The following DOK5 variants were observed in gnomAD, a reference collection of about 807,000 sequenced individuals.
The protein encoded by DOK5 is docking protein 5, also known as downstream of tyrosine kinase 5.
Under a neutral mutation model 43.3 loss-of-function variants are expected in DOK5, and 27 were observed. That is an observed-to-expected ratio of 0.62 (90% CI 0.46 to 0.86). The LOEUF (loss-of-function observed/expected upper bound fraction) is 0.86, where lower values mean the gene tolerates loss of function less well. DOK5 is among the 40% of genes least tolerant of loss of function. DOK5 has a pLI of 0.00. For synonymous variants in DOK5, 146 were observed against 140.1 expected (o/e 1.04, Z -0.30); for missense variants, 373 against 392.9 (o/e 0.95, Z 0.43).
chr20:54,501,991 G>C (rs1370512880), intron 1 of DOK5, among the ~76,000 whole-genome samples: 1 of 152,182 alleles, frequency 6.6e-6, no homozygotes, highest in Non-Finnish European at 1.5e-5. Context: ...TGTGGCTTAT[G>C]CTCTTTATCA....
At chr20:54,566,113 C>A (rs772419335) in intron 2 of DOK5, among the ~76,000 whole-genome samples, 1 of 151,504 alleles carries the variant, frequency 6.6e-6, no homozygotes, top group South Asian at 2.1e-4. Flanking sequence ...ACCCCACCAC[C>A]CCAGCAGGCA....
chr20:54,534,701 TAC>T (rs1192445499), intron 1 of DOK5, among the ~76,000 whole-genome samples: 8 of 152,060 alleles, frequency 5.3e-5, no homozygotes. Flanking sequence ...GATGATATAT[TAC>T]AAATAGTGTG....
In DOK5 at chr20:54,568,589, C is replaced by G. The variant is rs139801997; in HGVS notation, c.174+13549C>G. On this transcript the variant is annotated intron_variant, in intron 2 of 7. Coordinates refer to ENST00000262593, the MANE Select transcript of DOK5 (RefSeq NM_018431.5). Reference sequence around the variant, plus strand: ...TGCAGATTTATTTTTTCTCTTTACACTTCTTATTTTTTAAGTTATTAAAAA... The same window carrying G: ...TGCAGATTTATTTTTTCTCTTTACAGTTCTTATTTTTTAAGTTATTAAAAA... Among the ~76,000 whole-genome samples the G allele has an allele frequency of 4.0e-3, 612 of 152,242 alleles. 3 individuals are homozygous for G. Among genetic ancestry groups the G allele is most frequent in the Non-Finnish European group, 6.2e-3 (422 of 68,028 alleles).
chr20:54,492,949 A>G (rs975512455), intron 1 of DOK5, among the ~76,000 whole-genome samples: 8 of 151,014 alleles, frequency 5.3e-5, no homozygotes, highest in Admixed American at 4.0e-4. Context: ...CAGTTACTCG[A>G]AAGGCTGAGG....
intron 2 of DOK5, among the ~76,000 whole-genome samples, chr20:54,560,607 A>C (rs991917821): frequency 1.1e-4 from 17 of 152,250 alleles, no homozygotes; most frequent in African/African-American, 4.1e-4. Context: ...ACTCTTTCCT[A>C]CCCAAGCTTG....
chr20:54,586,884 T>C (rs931365772), intron 2 of DOK5, among the ~76,000 whole-genome samples: 2 of 151,278 alleles, frequency 1.3e-5, no homozygotes, highest in African/African-American at 4.9e-5. Flanking sequence ...AGTGGTGAGA[T>C]AGCGTGGGCA....
intron 5 of DOK5, among the ~76,000 whole-genome samples, chr20:54,594,204 A>G (rs1031041974): frequency 4.6e-5 from 7 of 152,132 alleles, no homozygotes; most frequent in Non-Finnish European, 7.4e-5. Context: ...CATTGGGTAT[A>G]TTGTACAAAA....
chr20:54,532,832 G>A (rs1471096280), intron 1 of DOK5, among the ~76,000 whole-genome samples: 1 of 152,158 alleles, frequency 6.6e-6, no homozygotes, highest in African/African-American at 2.4e-5. Flanking sequence ...TGACCTCCTG[G>A]CCCAGAGCTA....
intron 2 of DOK5, among the ~76,000 whole-genome samples, chr20:54,570,259 G>T (rs539848553): frequency 8.5e-5 from 13 of 152,156 alleles, no homozygotes; most frequent in African/African-American, 3.1e-4. Flanking sequence ...AATTTAATTG[G>T]GTTATTTACT....
chr20:54,476,972 C>T (rs1034928403), intron 1 of DOK5, among the ~76,000 whole-genome samples: 5 of 149,194 alleles, frequency 3.4e-5, no homozygotes, highest in Non-Finnish European at 7.4e-5. Flanking sequence ...TTCTCTTTGC[C>T]TCCTATCAAG....
At chr20:54,575,173 C>T (rs7274170) in intron 2 of DOK5, among the ~76,000 whole-genome samples, 29,885 of 152,060 alleles carry the variant, frequency 0.2, 6,743 homozygotes, top group African/African-American at 0.56. Context: ...AAAACTAACA[C>T]GATCTTTTCA....
chr20:54,590,367 A>C (rs1985941183), intron 4 of DOK5, among the ~76,000 whole-genome samples: 1 of 152,116 alleles, frequency 6.6e-6, no homozygotes, highest in Non-Finnish European at 1.5e-5. Context: ...TACTCTTTTT[A>C]AATTTTTATT....
At chr20:54,539,911 G>A (rs1000524464) in intron 1 of DOK5, among the ~76,000 whole-genome samples, 6 of 152,228 alleles carry the variant, frequency 3.9e-5, no homozygotes, top group African/African-American at 1.4e-4. Flanking sequence ...AGGAGGAAAA[G>A]GAGTCAACCA....
chr20:54,551,186 TCTGCGCACC>T (rs1984518418), intron 1 of DOK5, among the ~76,000 whole-genome samples: 1 of 152,252 alleles, frequency 6.6e-6, no homozygotes, highest in South Asian at 2.1e-4. Flanking sequence ...TTCTTGAACA[TCTGCGCACC>T]CTCTCCGGTG....
intron 1 of DOK5, chr20:54,476,315 G>A (rs1357453666): frequency 2.2e-5 from 17 of 776,350 alleles, no homozygotes; most frequent in Non-Finnish European, 2.5e-5. Context: ...GGAAGTTGGA[G>A]CTGAGAAGCC....
intron 1 of DOK5, among the ~76,000 whole-genome samples, chr20:54,510,184 T>C (rs1982968146): frequency 6.6e-6 from 1 of 152,356 alleles, no homozygotes; most frequent in East Asian, 1.9e-4. Flanking sequence ...TCTGCTGCTA[T>C]AATAAACAAA....
intron 1 of DOK5, among the ~76,000 whole-genome samples, chr20:54,531,128 G>A (rs1261958566): frequency 1.3e-5 from 2 of 152,130 alleles, no homozygotes; most frequent in African/African-American, 4.8e-5. Context: ...ACCAAGCTTG[G>A]ATTATGTTGC....
At chr20:54,601,995 CA>C (rs2146782684) in intron 5 of DOK5, among the ~76,000 whole-genome samples, 1 of 152,282 alleles carries the variant, frequency 6.6e-6, no homozygotes, top group African/African-American at 2.4e-5. Context: ...CCCAGTCACA[CA>C]CGTTCCATTC....
In DOK5 at chr20:54,610,490, C is replaced by CT; in HGVS notation, c.702_703insT (p.Glu235Ter). 6.4e-7 allele frequency: 1 copy of CT among 1,554,358 alleles called. No individual in the cohort carries two copies. The highest frequency in any genetic ancestry group is 8.7e-7 in the Non-Finnish European group (1 of 1,150,428). On this transcript the variant is annotated frameshift_variant, in exon 6 of 8. Transcript: ENST00000262593. LOFTEE classifies it high-confidence loss of function. Reference sequence around the variant, plus strand: ...CTGCCTTGGCCATAGCCGAGCAGCACGAGCGCTTGCTACAGAGTGTGAAAA... The same window carrying CT: ...CTGCCTTGGCCATAGCCGAGCAGCACTGAGCGCTTGCTACAGAGTGTGAAAA...
Sources: gnomAD v4.1 joint callset for allele counts (sites outside exome capture counted in the v4.1 genomes callset) on GRCh38, gnomAD v4.1.1 for gene constraint, MANE v1.5 for transcripts, NCBI Gene and HGNC (gene_info 2026-07-23, HGNC 2026-07-21) for gene names.